BICRA: variants seen among roughly 807,000 people sequenced by gnomAD.
BICRA encodes the protein BRD4 interacting chromatin remodeling complex associated protein.
A neutral mutation model predicts 96.9 loss-of-function variants in BICRA; 31 were observed. That is an observed-to-expected ratio of 0.32 (90% CI 0.24 to 0.43). The LOEUF (loss-of-function observed/expected upper bound fraction) is 0.43, where lower values mean the gene tolerates loss of function less well. Among genes scored for constraint, BICRA ranks in the 20% least tolerant of loss-of-function variants. The probability of loss-of-function intolerance (pLI) is 1.00; values close to 1 mark genes in which losing one functional copy is unlikely to be tolerated. For missense variants in BICRA, 2,283 were observed against 2,190.3 expected (o/e 1.04, Z -0.84); for synonymous variants, 1,350 against 1,071.8 (o/e 1.26, Z -5.07).
intron 1 of BICRA, among the ~76,000 whole-genome samples, chr19:47,634,646 TCCATCTCAGTAAACGGCA>T (rs1160091168): frequency 2.0e-5 from 3 of 151,748 alleles, no homozygotes; most frequent in Non-Finnish European, 4.4e-5. Context: ...CCTGCTTCTC[TCCATCTCAGTAAACGGCA>T]CCATCTCAGT....
intron 1 of BICRA, among the ~76,000 whole-genome samples, chr19:47,630,029 C>T (rs919722032): frequency 1.4e-4 from 22 of 152,208 alleles, no homozygotes; most frequent in African/African-American, 4.8e-4. Context: ...GTAACTGTCA[C>T]CATTATCCAT....
At chr19:47,696,396 G>A (rs1042987084) in intron 10 of BICRA, 55 bp from the exon 11 acceptor site, 94 of 1,498,428 alleles carry the variant, frequency 6.3e-5, no homozygotes, top group Non-Finnish European at 8.4e-5. Context: ...GAAGCTGGTC[G>A]GGGGAGGGAA....
intron 1 of BICRA, among the ~76,000 whole-genome samples, chr19:47,653,652 C>T (rs963695733): frequency 2.6e-5 from 4 of 152,142 alleles, no homozygotes; most frequent in South Asian, 2.1e-4. Context: ...TGGTGTCATG[C>T]GTTCCAGGTT....
At chr19:47,689,198 C>T (rs943613094) in intron 7 of BICRA, among the ~76,000 whole-genome samples, 5 of 152,024 alleles carry the variant, frequency 3.3e-5, no homozygotes, top group African/African-American at 1.2e-4. Flanking sequence ...GTTTAACCCC[C>T]CGACCCCAAT....
chr19:47,637,615 T>C (rs1211888640), intron 1 of BICRA, among the ~76,000 whole-genome samples: 1 of 152,162 alleles, frequency 6.6e-6, no homozygotes, highest in Non-Finnish European at 1.5e-5. Context: ...CACAGAGTTG[T>C]GCAACGGTCA....
At chr19:47,691,545 T>C (rs1973241114) in intron 7 of BICRA, among the ~76,000 whole-genome samples, 1 of 152,142 alleles carries the variant, frequency 6.6e-6, no homozygotes, top group Non-Finnish European at 1.5e-5. Flanking sequence ...TGCCCCTTAA[T>C]ATTTTATTTT....
chr19:47,695,858 C>T (rs1973332626), intron 10 of BICRA, among the ~76,000 whole-genome samples: 1 of 151,908 alleles, frequency 6.6e-6, no homozygotes, highest in African/African-American at 2.4e-5. Context: ...CGGAGCAGAT[C>T]AGGGACCGAG....
chr19:47,625,854 G>C (rs1263165764), intron 1 of BICRA, among the ~76,000 whole-genome samples: 1 of 152,056 alleles, frequency 6.6e-6, no homozygotes, highest in Non-Finnish European at 1.5e-5. Flanking sequence ...GTGGGGCTGT[G>C]TGGGGGCCGG....
At chr19:47,689,363 G>A (rs780714360) in intron 7 of BICRA, among the ~76,000 whole-genome samples, 19 of 150,652 alleles carry the variant, frequency 1.3e-4, no homozygotes, top group African/African-American at 1.7e-4. Flanking sequence ...CTTGGCCTCC[G>A]AGAGTGCTGG....
intron 7 of BICRA, among the ~76,000 whole-genome samples, chr19:47,693,835 T>G (rs1973278446): frequency 6.7e-6 from 1 of 150,352 alleles, no homozygotes; most frequent in Non-Finnish European, 1.5e-5. Flanking sequence ...CTGCGAGGGG[T>G]GGGGGGAATG....
At chr19:47,630,362 C>T (rs915446999) in intron 1 of BICRA, among the ~76,000 whole-genome samples, 2 of 151,238 alleles carry the variant, frequency 1.3e-5, no homozygotes, top group African/African-American at 4.9e-5. Context: ...TTAGTAGAGA[C>T]GGGGTTTCAC....
intron 1 of BICRA, among the ~76,000 whole-genome samples, chr19:47,616,935 T>G (rs1215311295): frequency 6.6e-6 from 1 of 151,946 alleles, no homozygotes; most frequent in African/African-American, 2.4e-5. Flanking sequence ...TTCAAGTGAT[T>G]CTTATGTCTC....
intron 14 of BICRA, chr19:47,700,928 T>G: frequency 9.0e-6 from 2 of 221,816 alleles, no homozygotes; most frequent in East Asian, 1.5e-4. Flanking sequence ...AACTTCATAT[T>G]TTATTTATTG....
At chr19:47,681,702 CAGAG>C (rs1406617349) in intron 6 of BICRA, among the ~76,000 whole-genome samples, 1 of 152,032 alleles carries the variant, frequency 6.6e-6, no homozygotes, top group South Asian at 2.1e-4. Flanking sequence ...AGAGGAATCT[CAGAG>C]AGAAAGTGGA....
chr19:47,665,962 C>T (rs916954185), intron 1 of BICRA, among the ~76,000 whole-genome samples: 3 of 152,186 alleles, frequency 2.0e-5, no homozygotes, highest in Non-Finnish European at 2.9e-5. Context: ...GGGCTGTGGC[C>T]CAAAAGCTCT....
Position 47,679,855 on chromosome 19 carries a change from A to G in BICRA, c.685A>G (p.Thr229Ala). The change falls in exon 6 of 15, where the codon ACA (threonine) becomes GCA (alanine). Residue 229 changes from threonine to alanine, a missense_variant. Transcript: ENST00000594866. ...CAGCCCTGGGGGTGCCACGGCGGCC[A>G]CACTGGGCCTGGCGCCCATCCAGGT... is the stretch of plus-strand genomic sequence containing the variant. ...NGSPGGATAA[T>A]LGLAPIQVVG... The G allele has an allele frequency of 6.7e-7, 1 of 1,501,420 alleles. No individual in the cohort carries two copies. 93.0% of individuals were successfully genotyped at this position (1,501,420 alleles called of 1,614,324 possible).
chr19:47,637,087 C>A (rs1360041851), intron 1 of BICRA, among the ~76,000 whole-genome samples: 1 of 152,002 alleles, frequency 6.6e-6, no homozygotes, highest in African/African-American at 2.4e-5. Context: ...TTTTGACATG[C>A]CATCTATTTT....
intron 1 of BICRA, among the ~76,000 whole-genome samples, chr19:47,657,941 T>TC (rs1183169990): frequency 6.6e-6 from 1 of 152,046 alleles, no homozygotes; most frequent in Non-Finnish European, 1.5e-5. Flanking sequence ...GTTTTTTTTT[T>TC]CCCTGAGTCT....
At chr19:47,685,357 A>G (rs921310616) in intron 7 of BICRA, among the ~76,000 whole-genome samples, 1 of 152,166 alleles carries the variant, frequency 6.6e-6, no homozygotes, top group Non-Finnish European at 1.5e-5. Flanking sequence ...TCTTAGTCAC[A>G]CACAGAGGCT....
Sources: allele counts gnomAD v4.1 joint callset (sites outside exome capture counted in the v4.1 genomes callset), GRCh38; gene constraint gnomAD v4.1.1; transcripts MANE v1.5; gene names NCBI Gene and HGNC (gene_info 2026-07-23, HGNC 2026-07-21).